DNAAF1: variants seen among roughly 807,000 people sequenced by gnomAD.
DNAAF1 encodes dynein assembly factor 1, axonemal.
DNAAF1 carries 65 observed loss-of-function variants against 71.1 expected under a neutral mutation model. The observed-to-expected ratio is 0.91, with a 90% CI of 0.75 to 1.12. The LOEUF is 1.12. Among genes scored for constraint, DNAAF1 ranks in the 50% most tolerant of loss-of-function variants. The pLI is 0.00. For synonymous variants in DNAAF1, 414 were observed against 354.6 expected (o/e 1.17, Z -1.88); for missense variants, 1,178 against 899.8 (o/e 1.31, Z -3.96).
intron 2 of DNAAF1, 24 bp downstream of exon 2, chr16:84,149,166 G>C (rs1032415568): frequency 3.7e-6 from 6 of 1,613,726 alleles, no homozygotes; most frequent in Non-Finnish European, 5.1e-6. Flanking sequence ...CTCCTAATTA[G>C]TGCACATTTA....
At chr16:84,148,596 C>CTCTCTTTTTTTTTT in intron 1 of DNAAF1, among the ~76,000 whole-genome samples, 17 of 43,554 alleles carry the variant, frequency 3.9e-4, no homozygotes, top group African/African-American at 6.5e-4. Context: ...CTCTCTCTCT[C>CTCTCTTTTTTTTTT]TTTTTTTTTT....
At chr16:84,162,199 G>C (rs1384399974) in intron 6 of DNAAF1, 1 of 152,194 alleles carries the variant, frequency 6.6e-6, no homozygotes. Context: ...GCAGGGATCT[G>C]CTTCTTCTCT....
At chr16:84,154,437 A>G (rs1349106408) in intron 3 of DNAAF1, 140 bp from the exon 4 acceptor site, 2 of 774,000 alleles carry the variant, frequency 2.6e-6, no homozygotes, top group East Asian at 2.7e-5. Flanking sequence ...ATACCATCAC[A>G]TTAGGGGTTA....
chr16:84,145,506 C>A lies in DNAAF1; in HGVS notation c.66C>A (p.Pro22=). The change falls in exon 1 of 12, where the codon CCC becomes CCA. Residue 22 remains proline, a synonymous_variant. Coordinates refer to ENST00000378553, the MANE Select transcript of DNAAF1 (RefSeq NM_178452.6). ...CAGAGCTGGATTGCGCGCAGGAGCC[C>A]GGCGTGGAGGAGTCTGCGGGTGACC... ...GAAELDCAQE[P]GVEESAGDHG... is the part of the protein sequence containing the mutation. The A allele has an allele frequency of 1.3e-6, 2 of 1,562,994 alleles. No individual in the cohort carries two copies. Among genetic ancestry groups the A allele is most frequent in the South Asian group, 1.2e-5 (1 of 84,956 alleles).
intron 9 of DNAAF1, 103 bp from the exon 10 acceptor site, chr16:84,174,566 T>G (rs2088553827): frequency 1.2e-6 from 2 of 1,604,550 alleles, no homozygotes; most frequent in Non-Finnish European, 1.7e-6. Flanking sequence ...TGAGTAACTG[T>G]AACTAAGGCT....
At chr16:84,150,103 AAG>A in intron 2 of DNAAF1, 146 bp from the exon 3 acceptor site, 2 of 648,268 alleles carry the variant, frequency 3.1e-6, no homozygotes, top group Non-Finnish European at 2.8e-6. Context: ...GGAAAGGAGA[AAG>A]AGAAAAAGAC....
chr16:84,166,073 T>A lies in DNAAF1; in HGVS notation c.1030+124T>A, dbSNP rs1253549669. The stretch of plus-strand genomic sequence containing the variant: ...TTTTTTTTTTTTTTTTTAGACAGAG[T>A]CTTGCTCTGTCACTGAGGTTGCAAA... On this transcript the variant is annotated intron_variant, in intron 7 of 11. Coordinates refer to ENST00000378553, the MANE Select transcript of DNAAF1 (RefSeq NM_178452.6). The A allele has an allele frequency of 2.3e-6, 3 of 1,319,994 alleles. No individual in the cohort carries two copies. In the African/African-American group the frequency reaches 4.7e-5, roughly 20 times the overall value. The allele number at this position is 1,319,994 out of a possible 1,614,324, so 81.8% of individuals were successfully genotyped here. A position where few individuals can be genotyped will look rare whatever the true frequency, so the allele number is the denominator to read the frequency against.
chr16:84,149,002 T>C lies in DNAAF1; in HGVS notation c.125-5T>C. ...TCTACAGACCTGATCTCTTTTATTTTACAGAAATTAATGATCCTAAGGAAA... is the reference window on the plus strand; with the variant it reads ...TCTACAGACCTGATCTCTTTTATTTCACAGAAATTAATGATCCTAAGGAAA... On this transcript the variant is annotated splice_polypyrimidine_tract_variant and splice_region_variant and intron_variant, in intron 1 of 11. Coordinates refer to ENST00000378553, the MANE Select transcript of DNAAF1 (RefSeq NM_178452.6). The C allele has an allele frequency of 6.2e-7, 1 of 1,614,040 alleles. No homozygotes were observed.
intron 7 of DNAAF1, among the ~76,000 whole-genome samples, chr16:84,168,827 T>TACACGCACACACAC (rs145304597): frequency 1.4e-5 from 2 of 145,888 alleles, no homozygotes; most frequent in African/African-American, 2.5e-5. Flanking sequence ...ATTTGCCACA[T>TACACGCACACACAC]ACACACACAC....
intron 7 of DNAAF1, among the ~76,000 whole-genome samples, chr16:84,166,991 A>G (rs893465380): frequency 1.3e-4 from 20 of 152,048 alleles, no homozygotes; most frequent in African/African-American, 4.6e-4. Flanking sequence ...CCATCCTGAC[A>G]CTAACCGCAC....
intron 6 of DNAAF1, among the ~76,000 whole-genome samples, chr16:84,161,520 A>G (rs1404354143): frequency 6.6e-6 from 1 of 152,112 alleles, no homozygotes; most frequent in Non-Finnish European, 1.5e-5. Context: ...GTGCACCACC[A>G]AACCCAGCTA....
At chr16:84,146,157 G>C (rs534692705) in intron 1 of DNAAF1, among the ~76,000 whole-genome samples, 4 of 152,154 alleles carry the variant, frequency 2.6e-5, no homozygotes, top group East Asian at 3.9e-4. Context: ...AGACAGTCTG[G>C]GTCTCCAGAG....
At chr16:84,161,608 C>A (rs1435327223) in intron 6 of DNAAF1, among the ~76,000 whole-genome samples, 1 of 142,244 alleles carries the variant, frequency 7.0e-6, no homozygotes, top group Non-Finnish European at 1.6e-5. Context: ...TCAAGTGATC[C>A]TCCTGCGTTG....
intron 6 of DNAAF1, among the ~76,000 whole-genome samples, chr16:84,161,892 T>TCA (rs1486900918): frequency 2.0e-5 from 3 of 152,100 alleles, no homozygotes; most frequent in Admixed American, 6.6e-5. Flanking sequence ...TTGTTTAGGG[T>TCA]CTGTCTTCCC....
intron 1 of DNAAF1, among the ~76,000 whole-genome samples, chr16:84,148,246 T>A (rs2151203725): frequency 6.6e-6 from 1 of 152,310 alleles, no homozygotes; most frequent in South Asian, 2.1e-4. Flanking sequence ...TTGCATATTT[T>A]TAATTTATAT....
chr16:84,166,366 T>C (rs893386537), intron 7 of DNAAF1, among the ~76,000 whole-genome samples: 3 of 145,494 alleles, frequency 2.1e-5, no homozygotes, highest in African/African-American at 7.8e-5. Flanking sequence ...GATTTTCTTT[T>C]TTTCTTTTTT....
Position 84,175,822 on chromosome 16 carries a change from C to A in DNAAF1, c.1699-111C>A. 3.6e-6 allele frequency: 5 copies of A among 1,395,536 alleles called. No homozygotes were observed. The South Asian group carries it at 5.9e-5, about 17-fold the overall frequency. 86.4% of individuals were successfully genotyped at this position (1,395,536 alleles called of 1,614,324 possible). ...TCCCTTGGGCCTTTCTTGGATGTGG[C>A]AACAGAATACTTTGTGACATTGGGT... On this transcript the variant is annotated intron_variant, in intron 10 of 11. Transcript: ENST00000378553.
rs182682595 is a variant in DNAAF1 at position 84,147,321 on chromosome 16, G to A, written c.125-1686G>A. Reference sequence around the variant, plus strand: ...TGAGTTTAAGAACCAGTCCCCACACGCACAGCCTTTAGTCTTGTTCAATAG... The same window carrying A: ...TGAGTTTAAGAACCAGTCCCCACACACACAGCCTTTAGTCTTGTTCAATAG... On this transcript the variant is annotated intron_variant, in intron 1 of 11. Coordinates refer to ENST00000378553, the MANE Select transcript of DNAAF1 (RefSeq NM_178452.6). Among the ~76,000 whole-genome samples the A allele has an allele frequency of 2.5e-3, 375 of 152,184 alleles. 12 individuals carry two copies. The highest frequency in any genetic ancestry group is 4.0e-4 in the Non-Finnish European group (27 of 68,012).
chr16:84,146,968 C>T (rs1345182156), intron 1 of DNAAF1, among the ~76,000 whole-genome samples: 1 of 152,172 alleles, frequency 6.6e-6, no homozygotes, highest in Non-Finnish European at 1.5e-5. Flanking sequence ...CCATAGGGAA[C>T]TGGCATTACT....
Sources: allele counts gnomAD v4.1 joint callset (sites outside exome capture counted in the v4.1 genomes callset), GRCh38; gene constraint gnomAD v4.1.1; transcripts MANE v1.5; gene names NCBI Gene and HGNC (gene_info 2026-07-23, HGNC 2026-07-21).